SNX25: variants seen among roughly 807,000 people sequenced by gnomAD.
SNX25 encodes the protein sorting nexin 25.
A neutral mutation model predicts 113.7 loss-of-function variants in SNX25; 62 were observed. The observed-to-expected ratio is 0.55, with a 90% CI of 0.44 to 0.67. The LOEUF is 0.67. SNX25 is among the 30% of genes least tolerant of loss of function. The pLI is 0.00. For missense variants in SNX25, 1,014 were observed against 1,161.0 expected, an observed-to-expected ratio of 0.87 and a Z score of 1.84; for synonymous variants, 421 against 436.2, an observed-to-expected ratio of 0.97 and a Z score of 0.43.
At chr4:185,208,826 T>G (rs1737327951), upstream of SNX25, among the ~76,000 whole-genome samples, 1 of 152,210 alleles carries the variant, frequency 6.6e-6, no homozygotes, top group Non-Finnish European at 1.5e-5. Flanking sequence ...GTCTTAGCAG[T>G]AATTGCCAGT....
At chr4:185,224,410 GATATATAAAA>G (rs1053447688) in intron 1 of SNX25, among the ~76,000 whole-genome samples, 16 of 137,112 alleles carry the variant, frequency 1.2e-4, no homozygotes, top group African/African-American at 2.9e-4. Context: ...AAAATATATA[GATATATAAAA>G]ATATATAAAA....
chr4:185,259,964 C>T lies in SNX25; in HGVS notation c.731+900C>T, dbSNP rs1178344564. 5.3e-4 allele frequency among the ~76,000 whole-genome samples: 81 copies of T among 152,260 alleles called. 2 individuals are homozygous for T. Among genetic ancestry groups the T allele is most frequent in the East Asian group, 1.9e-4 (1 of 5,170 alleles). ...ACTCTTCTTCCCTCCCTCAGGTTTACGAGGCCAAAATCCACAGAGCCGTGA... is the reference window on the plus strand; with the variant it reads ...ACTCTTCTTCCCTCCCTCAGGTTTATGAGGCCAAAATCCACAGAGCCGTGA... On this transcript the variant is annotated intron_variant, in intron 3 of 18. Transcript: ENST00000652585.
intron 7 of SNX25, among the ~76,000 whole-genome samples, chr4:185,312,337 C>T (rs1255007750): frequency 6.6e-6 from 1 of 152,056 alleles, no homozygotes; most frequent in Non-Finnish European, 1.5e-5. Context: ...CTAGGAGAAG[C>T]ACATAATGGC....
intron 6 of SNX25, among the ~76,000 whole-genome samples, chr4:185,295,471 A>G (rs553108219): frequency 2.1e-5 from 3 of 144,758 alleles, no homozygotes; most frequent in South Asian, 4.4e-4. Flanking sequence ...TTTTTTTGAG[A>G]CAGGGTCTGG....
At chr4:185,288,164 G>T in intron 6 of SNX25, 82 bp downstream of exon 6, 1 of 1,035,392 alleles carries the variant, frequency 9.7e-7, no homozygotes. Flanking sequence ...TCAGATCTTT[G>T]GCAAATAGGA....
upstream of SNX25, among the ~76,000 whole-genome samples, chr4:185,208,952 T>A (rs576814422): frequency 5.3e-5 from 8 of 152,320 alleles, no homozygotes; most frequent in Non-Finnish European, 1.0e-4. Context: ...CCACGTTCCT[T>A]TGCGTGGCTG....
intron 1 of SNX25, among the ~76,000 whole-genome samples, chr4:185,242,826 A>G (rs1023408153): frequency 6.6e-6 from 1 of 152,230 alleles, no homozygotes; most frequent in Admixed American, 6.5e-5. Flanking sequence ...ACCCAACATT[A>G]TAACAAAAGA....
At chr4:185,367,976 G>A (rs1579961849), downstream of SNX25, among the ~76,000 whole-genome samples, 1 of 152,094 alleles carries the variant, frequency 6.6e-6, no homozygotes, top group African/African-American at 2.4e-5. Flanking sequence ...TCAGGAGATC[G>A]AGACCATCCC....
chr4:185,239,290 T>G (rs1018493650), intron 1 of SNX25, among the ~76,000 whole-genome samples: 2 of 151,882 alleles, frequency 1.3e-5, no homozygotes, highest in South Asian at 2.1e-4. Flanking sequence ...GAGACCATCC[T>G]GGCCAACACG....
intron 1 of SNX25, among the ~76,000 whole-genome samples, chr4:185,211,100 G>C (rs1464649390): frequency 6.6e-6 from 1 of 152,220 alleles, no homozygotes; most frequent in African/African-American, 2.4e-5. Flanking sequence ...TTTGGGGTAA[G>C]ATAAATGGCA....
chr4:185,209,937 C>A lies in SNX25; in HGVS notation c.111C>A (p.Ser37=). The change falls in exon 1 of 19, where the codon TCC becomes TCA. Residue 37 remains serine, a synonymous_variant. Transcript: ENST00000652585. This position sits in a 1 kb window ranked among gnomAD's most constrained non-coding sequence, Gnocchi z 5.2. ...SGFRGERRPE[S]PGDAEAAAAA... ...TCAGGGGCGAGCGGCGGCCGGAGTC[C>A]CCGGGGGACGCGGAGGCAGCAGCAG... 1 of 983,604 alleles carries A rather than the reference C, an allele frequency of 1.0e-6. No homozygotes were observed. Among genetic ancestry groups the A allele is most frequent in the Non-Finnish European group, 1.2e-6 (1 of 829,232 alleles). The allele number at this position is 983,604 out of a possible 1,614,324, so 60.9% of individuals were successfully genotyped here.
intron 1 of SNX25, among the ~76,000 whole-genome samples, chr4:185,231,093 CT>C (rs1194762308): frequency 1.6e-5 from 2 of 125,896 alleles, no homozygotes; most frequent in African/African-American, 5.9e-5. Context: ...TTCTTTTTTC[CT>C]TTTTTTTGTT....
At chr4:185,263,651 C>T (rs1010370892) in intron 3 of SNX25, among the ~76,000 whole-genome samples, 1 of 152,164 alleles carries the variant, frequency 6.6e-6, no homozygotes, top group Non-Finnish European at 1.5e-5. Context: ...CTGTGCAGTA[C>T]CTAGTATGTT....
chr4:185,268,521 T>G (rs146439191), intron 5 of SNX25, among the ~76,000 whole-genome samples: 507 of 152,286 alleles, frequency 3.3e-3, no homozygotes, highest in African/African-American at 0.011. Flanking sequence ...TGTTCCCAAA[T>G]GATAATATAG....
In SNX25 at chr4:185,220,738, C is replaced by T. The variant is rs531781144; in HGVS notation, c.429+10483C>T. ...CTTGTGATCCGCCCACCTCGGCCTCCCAAAGTGCTGGGATTACAGGCGTGA... is the reference window on the plus strand; with the variant it reads ...CTTGTGATCCGCCCACCTCGGCCTCTCAAAGTGCTGGGATTACAGGCGTGA... On this transcript the variant is annotated intron_variant, in intron 1 of 18. Coordinates refer to ENST00000652585, the MANE Select transcript of SNX25 (RefSeq NM_001378034.2). Among the ~76,000 whole-genome samples the T allele has an allele frequency of 9.9e-5, 15 of 152,272 alleles. No homozygotes were observed. The South Asian group carries it at 3.1e-3, about 32-fold the overall frequency.
chr4:185,285,664 G>A (rs548348907), intron 5 of SNX25, among the ~76,000 whole-genome samples: 1 of 152,322 alleles, frequency 6.6e-6, no homozygotes, highest in East Asian at 1.9e-4. Flanking sequence ...TTTTCCCCAT[G>A]TCACCACATG....
At chr4:185,347,970 AT>A (rs1476293695) in intron 13 of SNX25, among the ~76,000 whole-genome samples, 1 of 151,948 alleles carries the variant, frequency 6.6e-6, no homozygotes, top group East Asian at 1.9e-4. Flanking sequence ...CCACTTTATC[AT>A]TTTTTTTATC....
At chr4:185,220,489 T>C (rs1739622298) in intron 1 of SNX25, among the ~76,000 whole-genome samples, 1 of 150,500 alleles carries the variant, frequency 6.6e-6, no homozygotes, top group East Asian at 2.0e-4. Flanking sequence ...AGTCCCTTTT[T>C]TTTTTTTTTT....
At chr4:185,250,951 T>G (rs988799467) in intron 2 of SNX25, among the ~76,000 whole-genome samples, 6 of 152,162 alleles carry the variant, frequency 3.9e-5, no homozygotes, top group African/African-American at 1.4e-4. Context: ...AACATAAAAT[T>G]TATCATTATA....
Sources: allele counts gnomAD v4.1 joint callset (sites outside exome capture counted in the v4.1 genomes callset), GRCh38; gene constraint gnomAD v4.1.1; non-coding constraint Gnocchi (gnomAD v3.1); transcripts MANE v1.5; gene names NCBI Gene and HGNC (gene_info 2026-07-23, HGNC 2026-07-21).